The following AMPD1 variants were observed in gnomAD, a reference collection of about 807,000 sequenced individuals.
AMPD1 encodes adenosine monophosphate deaminase 1.
A neutral mutation model predicts 82.9 loss-of-function variants in AMPD1; 74 were observed. The observed-to-expected ratio is 0.89, with a 90% CI of 0.74 to 1.08. AMPD1 has a LOEUF of 1.08. Ranked by LOEUF, AMPD1 falls within the 50% of genes least tolerant of loss-of-function variation. AMPD1 has a pLI of 0.00. For missense variants in AMPD1, 881 were observed against 924.5 expected (o/e 0.95, Z 0.61); for synonymous variants, 333 against 320.5 (o/e 1.04, Z -0.42).
intron 5 of AMPD1, 131 bp downstream of exon 5, chr1:114,684,068 A>G: frequency 9.9e-7 from 1 of 1,006,778 alleles, no homozygotes; most frequent in Non-Finnish European, 1.5e-6. Context: ...ACGTGAGGAA[A>G]TGGGGCCAAA....
intron 10 of AMPD1, chr1:114,676,263 C>A: frequency 2.3e-6 from 1 of 441,566 alleles, no homozygotes; most frequent in Non-Finnish European, 4.2e-6. Flanking sequence ...AAAACTAAAC[C>A]TTCACAGCTA....
rs752269251 is a variant in AMPD1 at position 114,677,350 on chromosome 1, C to A, written c.1388+1G>T. On this transcript the variant is annotated splice_donor_variant, in intron 10 of 15. Transcript: ENST00000520113. LOFTEE classifies it high-confidence loss of function. ...AGAGTTTCTGATGGGCAGGTACATA[C>A]TAGATCCTGGGAACCTGGATCATCC... 1 of 1,609,742 alleles carries A rather than the reference C, an allele frequency of 6.2e-7. No individual in the cohort carries two copies. The highest frequency in any genetic ancestry group is 8.5e-7 in the Non-Finnish European group (1 of 1,179,072).
In AMPD1 at chr1:114,684,599, T is replaced by C. The variant is rs2101720604; in HGVS notation, c.382-235A>G. 1.4e-5 allele frequency: 8 copies of C among 580,440 alleles called. No individual in the cohort carries two copies. In the South Asian group the frequency reaches 1.6e-4, roughly 12 times the overall value. The allele number at this position is 580,440 out of a possible 1,614,324, so 36.0% of individuals were successfully genotyped here. A position where few individuals can be genotyped will look rare whatever the true frequency, so the allele number is the denominator to read the frequency against. ...CCAAACTTACCTGTCCTACTAGTCT[T>C]TCCCTTGTAGTCCTGTATTTGTTTG... is the stretch of plus-strand genomic sequence containing the variant. On this transcript the variant is annotated intron_variant, in intron 4 of 15. Coordinates refer to ENST00000520113, the MANE Select transcript of AMPD1 (RefSeq NM_000036.3).
chr1:114,688,492 C>A lies in AMPD1; in HGVS notation c.215+69G>T, dbSNP rs1658384215. 6 of 1,537,312 alleles carry A rather than the reference C, an allele frequency of 3.9e-6. No homozygotes were observed. In the Admixed American group the frequency reaches 8.4e-5, roughly 21 times the overall value. ...TGAACCATCATTTGGATAAATTGAA[C>A]CATATCTTCCCTGGCAGATACCCCT... On this transcript the variant is annotated intron_variant, in intron 3 of 15. Coordinates refer to ENST00000520113, the MANE Select transcript of AMPD1 (RefSeq NM_000036.3).
chr1:114,682,075 G>A (rs1005927599), intron 5 of AMPD1, among the ~76,000 whole-genome samples: 11 of 152,080 alleles, frequency 7.2e-5, no homozygotes, highest in Admixed American at 4.6e-4. Context: ...AACACATTTC[G>A]CACCGTCAGA....
At chr1:114,684,796 G>T (rs1449377802) in intron 4 of AMPD1, among the ~76,000 whole-genome samples, 1 of 152,134 alleles carries the variant, frequency 6.6e-6, no homozygotes, top group South Asian at 2.1e-4. Context: ...AAACCACTCG[G>T]TCAGTGAGGG....
rs753879221 is a variant in AMPD1 at position 114,675,552 on chromosome 1, T to C, written c.1657A>G (p.Met553Val). ...TACTTTCTCAGGCTGTTGAGCACCA[T>C]GATGTTTGCATACATGTAGTAGGCA... ...YYAYYMYANIMVLNSLRKERG... is the reference protein window; with the variant it reads ...YYAYYMYANIVVLNSLRKERG... Residue 553 changes from methionine (M) to valine (V), a missense_variant, in exon 12 of 16, where the codon ATG (methionine) becomes GTG (valine). Around this residue, in one of 2 missense-constraint regions of AMPD1, gnomAD observed 783 missense variants for 786.4 expected, o/e 1.00. Transcript: ENST00000520113. 1.9e-6 allele frequency: 3 copies of C among 1,614,184 alleles called. No individual in the cohort carries two copies. The highest frequency in any genetic ancestry group is 2.5e-6 in the Non-Finnish European group (3 of 1,180,008).
intron 3 of AMPD1, among the ~76,000 whole-genome samples, chr1:114,687,308 T>G (rs1261898675): frequency 2.6e-5 from 4 of 152,168 alleles, no homozygotes; most frequent in Non-Finnish European, 5.9e-5. Flanking sequence ...CTAAAACAAA[T>G]GGTGCAAAAA....
intron 2 of AMPD1, among the ~76,000 whole-genome samples, chr1:114,692,342 T>A (rs185298575): frequency 1.3e-3 from 197 of 152,328 alleles, no homozygotes; most frequent in Non-Finnish European, 2.1e-3. Context: ...AGGACAAGTC[T>A]AATTTGAGAT....
intron 10 of AMPD1, 89 bp from the exon 11 acceptor site, chr1:114,676,092 A>C: frequency 6.7e-5 from 98 of 1,460,064 alleles, no homozygotes; most frequent in Middle Eastern, 2.4e-4. Context: ...ATCGAATGTC[A>C]TGCACAGGAA....
intron 10 of AMPD1, 108 bp from the exon 11 acceptor site, chr1:114,676,111 G>A: frequency 7.7e-7 from 1 of 1,300,998 alleles, no homozygotes; most frequent in Admixed American, 1.7e-5. Context: ...AAAAGACGTG[G>A]TATATCTATC....
intron 5 of AMPD1, among the ~76,000 whole-genome samples, chr1:114,682,429 AATGTCTAT>A (rs1476757503): frequency 6.6e-6 from 1 of 152,094 alleles, no homozygotes; most frequent in African/African-American, 2.4e-5. Context: ...AGACAAACTA[AATGTCTAT>A]ATTATAGAGG....
At chr1:114,682,799 C>T (rs1457770346) in intron 5 of AMPD1, among the ~76,000 whole-genome samples, 5 of 152,118 alleles carry the variant, frequency 3.3e-5, no homozygotes, top group African/African-American at 9.7e-5. Flanking sequence ...AAGATGGTCT[C>T]GATCTCCTGA....
intron 6 of AMPD1, 150 bp from the exon 7 acceptor site, chr1:114,679,858 A>ATT: frequency 1.1e-6 from 1 of 910,876 alleles, no homozygotes; most frequent in Non-Finnish European, 1.7e-6. Context: ...TCCCACTGAG[A>ATT]AGTAGTGGGC....
intron 15 of AMPD1, 121 bp downstream of exon 15, chr1:114,673,518 C>G: frequency 2.2e-6 from 2 of 921,644 alleles, no homozygotes; most frequent in African/African-American, 1.6e-5. Flanking sequence ...TAGTCCCTGT[C>G]CATAGTAACT....
intron 2 of AMPD1, among the ~76,000 whole-genome samples, chr1:114,691,001 A>G (rs1245946833): frequency 6.6e-6 from 1 of 152,234 alleles, no homozygotes; most frequent in Non-Finnish European, 1.5e-5. Context: ...CTCTTCCAGA[A>G]CAAGCATTCA....
At position 114,680,449 on chromosome 1, in the gene AMPD1, C is replaced by T. The variant is rs376789465; in HGVS notation, c.577G>A (p.Asp193Asn). Residue 193 changes from aspartate to asparagine, a missense_variant, in exon 6 of 16, where the codon GAC becomes AAC. Coordinates refer to ENST00000520113, the MANE Select transcript of AMPD1 (RefSeq NM_000036.3). Reference sequence around the variant, plus strand: ...GGAAGGTTGTCTGTTCGGAAGGGGTCCTCTCCCTTCTTCACAGGAGGAGTA... The same window carrying T: ...GGAAGGTTGTCTGTTCGGAAGGGGTTCTCTCCCTTCTTCACAGGAGGAGTA... ...VFTPPVKKGEDPFRTDNLPEN... is the reference protein window; with the variant it reads ...VFTPPVKKGENPFRTDNLPEN... The T allele has an allele frequency of 1.3e-4, 213 of 1,614,122 alleles. 2 individuals carry two copies. In the East Asian group the frequency reaches 3.0e-3, roughly 23 times the overall value.
chr1:114,684,379 A>AG lies in AMPD1; in HGVS notation c.382-16_382-15insC. Reference sequence around the variant, plus strand: ...TCAACTGTAACCTGCCAAAAAAAAAAAAGTCAGCATATCAGAGTCAATCCC... The same window carrying AG: ...TCAACTGTAACCTGCCAAAAAAAAAAGAAGTCAGCATATCAGAGTCAATCCC... On this transcript the variant is annotated splice_polypyrimidine_tract_variant and intron_variant, in intron 4 of 15. Coordinates refer to ENST00000520113, the MANE Select transcript of AMPD1 (RefSeq NM_000036.3). 1 of 1,613,452 alleles carries AG rather than the reference A, an allele frequency of 6.2e-7. No individual in the cohort carries two copies.
At chr1:114,683,241 A>C (rs1465512661) in intron 5 of AMPD1, 3 of 370,624 alleles carry the variant, frequency 8.1e-6, no homozygotes, top group African/African-American at 4.3e-5. Context: ...GCCTCTTGAA[A>C]GATTGGGTTG....
Sources: allele counts gnomAD v4.1 joint callset (sites outside exome capture counted in the v4.1 genomes callset), GRCh38; gene constraint gnomAD v4.1.1; regional missense constraint gnomAD v4.1.1; transcripts MANE v1.5; gene names NCBI Gene and HGNC (gene_info 2026-07-23, HGNC 2026-07-21).